The following MYBL2 variants were observed in gnomAD, a reference collection of about 807,000 sequenced individuals.
MYBL2 encodes the protein myb-related protein B.
In MYBL2, 28 loss-of-function variants were observed where a neutral mutation model predicts 79.9. The observed-to-expected ratio is 0.35, with a 90% CI of 0.26 to 0.48. MYBL2 has a LOEUF of 0.48. Among genes scored for constraint, MYBL2 ranks in the 20% least tolerant of loss-of-function variants. The pLI is 0.99. For synonymous variants in MYBL2, 378 were observed against 361.2 expected, an observed-to-expected ratio of 1.05 and a Z score of -0.53; for missense variants, 735 against 893.9, an observed-to-expected ratio of 0.82 and a Z score of 2.27.
intron 11 of MYBL2, among the ~76,000 whole-genome samples, chr20:43,712,733 G>T (rs1275302081): frequency 6.6e-6 from 1 of 152,190 alleles, no homozygotes; most frequent in Non-Finnish European, 1.5e-5. Flanking sequence ...TCACTTCGTG[G>T]TGGAGGTTCA....
At chr20:43,671,624 C>A (rs1214738526) in intron 1 of MYBL2, among the ~76,000 whole-genome samples, 1 of 151,734 alleles carries the variant, frequency 6.6e-6, no homozygotes, top group Non-Finnish European at 1.5e-5. Flanking sequence ...AGGCATGCAC[C>A]ATCACACCCG....
At chr20:43,672,759 A>G (rs919827490) in intron 1 of MYBL2, among the ~76,000 whole-genome samples, 6 of 152,142 alleles carry the variant, frequency 3.9e-5, no homozygotes, top group African/African-American at 1.4e-4. Context: ...AAAGAAGAAA[A>G]ACAACAAATG....
At chr20:43,698,341 C>T (rs1366806920) in intron 6 of MYBL2, among the ~76,000 whole-genome samples, 7 of 136,946 alleles carry the variant, frequency 5.1e-5, no homozygotes, top group East Asian at 4.4e-4. Context: ...TGAGCCACCA[C>T]GCCCCGCATA....
At chr20:43,677,846 G>C (rs1162568532) in intron 2 of MYBL2, among the ~76,000 whole-genome samples, 2 of 152,256 alleles carry the variant, frequency 1.3e-5, no homozygotes, top group African/African-American at 2.4e-5. Context: ...GACAATGGCA[G>C]TTTTGTGGAA....
Position 43,702,665 on chromosome 20 carries a change from A to G in MYBL2, c.1127A>G (p.His376Arg). Residue 376 changes from histidine (H) to arginine (R), a missense_variant, in exon 8 of 14, where the codon CAC (histidine) becomes CGC (arginine). By Grantham distance (29) the His-to-Arg change is conservative. This residue lies in a region of MYBL2 where 243 missense variants were observed against 327.2 expected (regional missense o/e 0.74). Coordinates refer to ENST00000217026, the MANE Select transcript of MYBL2 (RefSeq NM_002466.4). ...PSVTEYRLDGHTISDLSRSSR... is the reference protein window; with the variant it reads ...PSVTEYRLDGRTISDLSRSSR... ...GTGACCGAGTACCGCCTGGATGGCC[A>G]CACCATCTCAGACCTGAGCCGGAGC... The G allele has an allele frequency of 6.2e-7, 1 of 1,614,088 alleles. No homozygotes were observed. Among genetic ancestry groups the G allele is most frequent in the Non-Finnish European group, 8.5e-7 (1 of 1,180,022 alleles).
intron 9 of MYBL2, among the ~76,000 whole-genome samples, chr20:43,707,371 C>T (rs1203344723): frequency 6.6e-6 from 1 of 152,084 alleles, no homozygotes; most frequent in Non-Finnish European, 1.5e-5. Flanking sequence ...CTCTCCCTTT[C>T]TTTCTTATCC....
At position 43,676,616 on chromosome 20, in the gene MYBL2, T is replaced by A. The variant is rs148352707; in HGVS notation, c.114+2717T>A. Among the ~76,000 whole-genome samples, 1,207 of 152,352 alleles carry A rather than the reference T, an allele frequency of 7.9e-3. 15 individuals are homozygous for A. Among genetic ancestry groups the A allele is most frequent in the African/African-American group, 0.027 (1,116 of 41,584 alleles). ...AGTTTTTGGCTATCGTGTATAGCGC[T>A]ACCTTGAAGATTCTTGCATAAGTCT... On this transcript the variant is annotated intron_variant, in intron 2 of 13. Transcript: ENST00000217026.
intron 1 of MYBL2, among the ~76,000 whole-genome samples, chr20:43,670,194 CCTT>C (rs1374786103): frequency 1.4e-4 from 22 of 152,342 alleles, no homozygotes; most frequent in Admixed American, 9.8e-4. Context: ...TATTTGCTGA[CCTT>C]CTGTTAGAAG....
chr20:43,684,912 T>C (rs3092729), intron 4 of MYBL2, among the ~76,000 whole-genome samples: 140,363 of 150,492 alleles, frequency 0.93, 65,610 homozygotes, highest in African/African-American at 0.97. Flanking sequence ...TTTGGGAGCC[T>C]GGGGTGGGTG....
Position 43,705,175 on chromosome 20 carries a change from T to C in MYBL2, c.1366-44T>C, listed in dbSNP as rs565254138. On this transcript the variant is annotated intron_variant, in intron 8 of 13. Coordinates refer to ENST00000217026, the MANE Select transcript of MYBL2 (RefSeq NM_002466.4). ...TCCCCTGAGGTCTCAGGGATACTCA[T>C]GCAGGTCATCATTTTGTCTTGTTCC... The C allele has an allele frequency of 2.5e-6, 4 of 1,606,176 alleles. No individual in the cohort carries two copies. The South Asian group carries it at 3.3e-5, about 13-fold the overall frequency.
intron 11 of MYBL2, among the ~76,000 whole-genome samples, chr20:43,712,142 G>A (rs541066596): frequency 2.6e-5 from 4 of 152,186 alleles, no homozygotes; most frequent in Non-Finnish European, 5.9e-5. Flanking sequence ...TCCTGGGCAG[G>A]GGGGCAGGGA....
intron 9 of MYBL2, among the ~76,000 whole-genome samples, chr20:43,708,007 G>T (rs910144334): frequency 1.3e-5 from 2 of 152,186 alleles, no homozygotes; most frequent in Non-Finnish European, 2.9e-5. Context: ...TTGGTTGTCT[G>T]TGGTTTCCAA....
rs544077361 is a variant in MYBL2, at chr20:43,702,916, C to T, written c.1365+13C>T. On this transcript the variant is annotated intron_variant, in intron 8 of 13. Coordinates refer to ENST00000217026, the MANE Select transcript of MYBL2 (RefSeq NM_002466.4). ...CTCGCCCTCCCAGGTGCGTGGACCC[C>T]ACTCTGGCTGCTTATTGGGTCGGTA... 1.3e-6 allele frequency: 2 copies of T among 1,574,214 alleles called. No individual in the cohort carries two copies. Among genetic ancestry groups the T allele is most frequent in the East Asian group, 2.3e-5 (1 of 44,206 alleles).
At chr20:43,684,722 C>G (rs1314776976) in intron 4 of MYBL2, among the ~76,000 whole-genome samples, 1 of 151,338 alleles carries the variant, frequency 6.6e-6, no homozygotes, top group Non-Finnish European at 1.5e-5. Context: ...GGTGGGGTGC[C>G]TGTAGTTGGG....
intron 2 of MYBL2, among the ~76,000 whole-genome samples, chr20:43,678,507 T>C (rs1240714242): frequency 6.6e-6 from 1 of 151,382 alleles, no homozygotes; most frequent in African/African-American, 2.4e-5. Context: ...ATGCAGGGAG[T>C]GATGTGAATG....
chr20:43,696,635 T>C (rs1026996496), intron 6 of MYBL2, among the ~76,000 whole-genome samples: 2 of 152,308 alleles, frequency 1.3e-5, no homozygotes, highest in African/African-American at 4.8e-5. Context: ...GTATCTTATT[T>C]AACCATTATA....
intron 9 of MYBL2, among the ~76,000 whole-genome samples, chr20:43,709,504 CG>C (rs1225004634): frequency 2.0e-5 from 3 of 152,200 alleles, no homozygotes; most frequent in African/African-American, 7.2e-5. Context: ...TCCATCACCT[CG>C]GTGAACTCTT....
chr20:43,705,876 A>G (rs1987771090), intron 9 of MYBL2, among the ~76,000 whole-genome samples: 1 of 150,758 alleles, frequency 6.6e-6, no homozygotes, highest in South Asian at 2.1e-4. Flanking sequence ...AATTTTTTGT[A>G]TTTTTAGTAG....
chr20:43,667,277 C>G lies in MYBL2; in HGVS notation c.-7C>G. On this transcript the variant is annotated 5_prime_UTR_variant, in exon 1 of 14. Transcript: ENST00000217026. Reference sequence around the variant, plus strand: ...CGGGCGAGCGCGGCGCGGTCCGGGCCGGGGGGATGTCTCGGCGGACGCGCT... The same window carrying G: ...CGGGCGAGCGCGGCGCGGTCCGGGCGGGGGGGATGTCTCGGCGGACGCGCT... 2.4e-6 allele frequency: 3 copies of G among 1,226,112 alleles called. No individual in the cohort carries two copies. Among genetic ancestry groups the G allele is most frequent in the Non-Finnish European group, 3.0e-6 (3 of 984,132 alleles). 76.0% of individuals were successfully genotyped at this position (1,226,112 alleles called of 1,614,324 possible). A position where few individuals can be genotyped will look rare whatever the true frequency, so the allele number is the denominator to read the frequency against.
Sources: gnomAD v4.1 joint callset for allele counts (sites outside exome capture counted in the v4.1 genomes callset) on GRCh38, gnomAD v4.1.1 for gene constraint, gnomAD v4.1.1 regional missense constraint, MANE v1.5 for transcripts, NCBI Gene and HGNC (gene_info 2026-07-23, HGNC 2026-07-21) for gene names.